Variants in SOX5 observed in about 807,000 individuals in gnomAD.
SOX5 encodes the protein SRY-box transcription factor 5.
In SOX5, 9 loss-of-function variants were observed where a neutral mutation model predicts 92.0. The observed-to-expected ratio is 0.10, with a 90% confidence interval of 0.06 to 0.17. SOX5 has a LOEUF of 0.17. SOX5 is among the 10% of genes least tolerant of loss of function. SOX5 has a pLI of 1.00. For synonymous variants in SOX5, 344 were observed against 336.3 expected (o/e 1.02, Z -0.25); for missense variants, 642 against 944.5 (o/e 0.68, Z 4.20).
At chr12:24,098,628 A>T (rs987910232) in intron 4 of SOX5, among the ~76,000 whole-genome samples, 2 of 152,212 alleles carry the variant, frequency 1.3e-5, no homozygotes, top group Non-Finnish European at 2.9e-5. Context: ...ATCTAGAATA[A>T]GAACAAAAGC....
intron 1 of SOX5, among the ~76,000 whole-genome samples, chr12:24,409,689 T>C (rs1462095814): frequency 1.3e-5 from 2 of 152,210 alleles, no homozygotes; most frequent in Non-Finnish European, 2.9e-5. Context: ...TGTACATCCT[T>C]GTCAGCATTT....
At chr12:24,239,010 T>C (rs930275068) in intron 3 of SOX5, among the ~76,000 whole-genome samples, 2 of 152,220 alleles carry the variant, frequency 1.3e-5, no homozygotes, top group African/African-American at 4.8e-5. Context: ...CTGCCTTTTA[T>C]TTATAAGCAT....
intron 1 of SOX5, among the ~76,000 whole-genome samples, chr12:24,489,620 A>C (rs1389294595): frequency 1.6e-5 from 2 of 121,584 alleles, no homozygotes; most frequent in Non-Finnish European, 3.3e-5. Context: ...AATAGCCAGG[A>C]ACTTTAGGAA....
intron 9 of SOX5, among the ~76,000 whole-genome samples, chr12:23,590,216 T>C (rs1455738904): frequency 2.0e-5 from 3 of 151,988 alleles, no homozygotes; most frequent in Non-Finnish European, 2.9e-5. Context: ...ATCTGAAGTA[T>C]ACATTTCTGG....
At chr12:23,980,506 G>C (rs1949473056) in intron 4 of SOX5, among the ~76,000 whole-genome samples, 1 of 152,100 alleles carries the variant, frequency 6.6e-6, no homozygotes, top group African/African-American at 2.4e-5. Context: ...TTGATGTTGG[G>C]AGGTAACATC....
At chr12:24,552,877 A>G (rs1478248466) in intron 1 of SOX5, among the ~76,000 whole-genome samples, 1 of 152,124 alleles carries the variant, frequency 6.6e-6, no homozygotes, top group African/African-American at 2.4e-5. Context: ...CAAAATTTAA[A>G]GCAAATTAGC....
chr12:23,917,484 C>A (rs2097429386), intron 1 of SOX5, among the ~76,000 whole-genome samples: 1 of 152,094 alleles, frequency 6.6e-6, no homozygotes, highest in South Asian at 2.1e-4. Context: ...GCCGGGGAGG[C>A]AGAGGTTGCA....
intron 10 of SOX5, among the ~76,000 whole-genome samples, chr12:23,570,116 CTTAT>C (rs1456858854): frequency 6.6e-6 from 1 of 152,142 alleles, no homozygotes; most frequent in African/African-American, 2.4e-5. Context: ...CCACACAAAT[CTTAT>C]TTACTACGTA....
intron 7 of SOX5, among the ~76,000 whole-genome samples, chr12:23,652,435 T>C (rs2081705495): frequency 6.6e-6 from 1 of 152,106 alleles, no homozygotes; most frequent in East Asian, 1.9e-4. Flanking sequence ...ATCTGAATGA[T>C]CTTATCCAAT....
chr12:24,463,013 T>C (rs952845566), intron 1 of SOX5, among the ~76,000 whole-genome samples: 2 of 151,828 alleles, frequency 1.3e-5, no homozygotes, highest in African/African-American at 2.4e-5. Flanking sequence ...AACCCAGGAG[T>C]TTGAGACCAG....
chr12:24,492,791 T>G (rs908335664), intron 1 of SOX5, among the ~76,000 whole-genome samples: 3 of 152,228 alleles, frequency 2.0e-5, no homozygotes, highest in African/African-American at 7.2e-5. Flanking sequence ...TTTAGATTCA[T>G]TGTTACATAT....
intron 3 of SOX5, among the ~76,000 whole-genome samples, chr12:23,806,095 T>G (rs2095765339): frequency 6.6e-6 from 1 of 152,206 alleles, no homozygotes; most frequent in African/African-American, 2.4e-5. Flanking sequence ...GCAATTCCTC[T>G]CAATTCTCTT....
chr12:24,015,803 G>A (rs1018134272), intron 4 of SOX5, among the ~76,000 whole-genome samples: 5 of 152,066 alleles, frequency 3.3e-5, no homozygotes, highest in African/African-American at 1.2e-4. Flanking sequence ...GCTAGTTAAT[G>A]AAATATGATG....
At chr12:24,239,000 C>A (rs1965059419) in intron 3 of SOX5, among the ~76,000 whole-genome samples, 1 of 152,198 alleles carries the variant, frequency 6.6e-6, no homozygotes, top group South Asian at 2.1e-4. Context: ...ATGAATAGAT[C>A]TGCCTTTTAT....
intron 9 of SOX5, among the ~76,000 whole-genome samples, chr12:23,598,231 C>T (rs890277902): frequency 4.6e-5 from 7 of 152,060 alleles, no homozygotes; most frequent in Non-Finnish European, 1.0e-4. Flanking sequence ...CAAAATTTCA[C>T]ATGGTCAGAT....
At chr12:23,617,091 C>G (rs2076647939) in intron 8 of SOX5, among the ~76,000 whole-genome samples, 1 of 145,766 alleles carries the variant, frequency 6.9e-6, no homozygotes, top group Admixed American at 7.0e-5. Flanking sequence ...TGGCACTGCA[C>G]TCCAGGCCTG....
chr12:24,336,395 G>T (rs1951907304), intron 2 of SOX5, among the ~76,000 whole-genome samples: 2 of 152,102 alleles, frequency 1.3e-5, no homozygotes, highest in South Asian at 2.1e-4. Context: ...GTCCAGCCGG[G>T]TATATGGTTT....
chr12:24,436,085 G>A (rs545631815), intron 1 of SOX5, among the ~76,000 whole-genome samples: 16 of 152,140 alleles, frequency 1.1e-4, no homozygotes, highest in Non-Finnish European at 2.1e-4. Context: ...CTCTCCTTGG[G>A]CCTTTTTTAT....
chr12:24,244,499 G>GT (rs1163144046), intron 3 of SOX5, among the ~76,000 whole-genome samples: 9 of 152,156 alleles, frequency 5.9e-5, no homozygotes, highest in Non-Finnish European at 1.5e-5. Context: ...CAGGAAAAAG[G>GT]TGAATGGTTA....
Sources: gnomAD v4.1 joint callset for allele counts (sites outside exome capture counted in the v4.1 genomes callset) on GRCh38, gnomAD v4.1.1 for gene constraint, MANE v1.5 for transcripts, NCBI Gene and HGNC (gene_info 2026-07-23, HGNC 2026-07-21) for gene names.